CNTNAP2: variants seen among roughly 807,000 people sequenced by gnomAD.
CNTNAP2 encodes contactin-associated protein-like 2.
CNTNAP2 carries 98 observed loss-of-function variants against 155.2 expected under a neutral mutation model. That is an observed-to-expected ratio of 0.63 (90% CI 0.54 to 0.75). The LOEUF is 0.75. CNTNAP2 is among the 30% of genes least tolerant of loss of function. The pLI is 0.00. For synonymous variants in CNTNAP2, 651 were observed against 631.2 expected, an observed-to-expected ratio of 1.03 and a Z score of -0.47; for missense variants, 1,727 against 1,688.1, an observed-to-expected ratio of 1.02 and a Z score of -0.40.
chr7:147,283,640 T>C (rs1266916453), intron 8 of CNTNAP2, among the ~76,000 whole-genome samples: 1 of 151,960 alleles, frequency 6.6e-6, no homozygotes, highest in Non-Finnish European at 1.5e-5. Context: ...CCAGAAATTC[T>C]CTCACATAAT....
At chr7:146,514,829 C>T (rs1022718988) in intron 1 of CNTNAP2, among the ~76,000 whole-genome samples, 23 of 152,080 alleles carry the variant, frequency 1.5e-4, no homozygotes, top group African/African-American at 5.3e-4. Flanking sequence ...TGCCTTCTGG[C>T]TTGGTTAGAT....
chr7:147,174,435 A>G (rs1311271150), intron 8 of CNTNAP2, among the ~76,000 whole-genome samples: 1 of 152,168 alleles, frequency 6.6e-6, no homozygotes, highest in Non-Finnish European at 1.5e-5. Context: ...ATCATTTTCA[A>G]TACTACTCCA....
intron 1 of CNTNAP2, among the ~76,000 whole-genome samples, chr7:146,761,505 G>T (rs866430791): frequency 2.3e-4 from 35 of 152,194 alleles, no homozygotes; most frequent in African/African-American, 7.9e-4. Flanking sequence ...AAGTGTGTTT[G>T]TTCTGTTGTT....
At chr7:147,912,312 G>A (rs1484820704) in intron 14 of CNTNAP2, among the ~76,000 whole-genome samples, 1 of 152,126 alleles carries the variant, frequency 6.6e-6, no homozygotes, top group Admixed American at 6.5e-5. Context: ...GGTTCCCCAG[G>A]AGCAGCCTCT....
chr7:146,719,171 A>G (rs888360706), intron 1 of CNTNAP2, among the ~76,000 whole-genome samples: 1 of 152,178 alleles, frequency 6.6e-6, no homozygotes. Context: ...CTTGCACCTG[A>G]TTTGGAATAT....
intron 3 of CNTNAP2, among the ~76,000 whole-genome samples, chr7:146,867,355 C>A (rs374958300): frequency 6.6e-6 from 1 of 152,174 alleles, no homozygotes; most frequent in South Asian, 2.1e-4. Context: ...TGATCTTGTT[C>A]TTTTTCAATG....
chr7:148,162,898 G>A (rs1450602352), intron 17 of CNTNAP2, among the ~76,000 whole-genome samples: 2 of 152,206 alleles, frequency 1.3e-5, no homozygotes, highest in Admixed American at 6.5e-5. Flanking sequence ...TACTCAGGAG[G>A]CTGAGACAGG....
chr7:146,532,293 G>T (rs1797781740), intron 1 of CNTNAP2, among the ~76,000 whole-genome samples: 1 of 152,026 alleles, frequency 6.6e-6, no homozygotes, highest in Admixed American at 6.6e-5. Flanking sequence ...TCAAAATACA[G>T]GGATTTCAAT....
At chr7:147,725,034 A>G (rs1425037918) in intron 13 of CNTNAP2, among the ~76,000 whole-genome samples, 1 of 152,010 alleles carries the variant, frequency 6.6e-6, no homozygotes, top group Admixed American at 6.6e-5. Context: ...TCAGCAGAAA[A>G]GCAGCAGAAA....
intron 10 of CNTNAP2, among the ~76,000 whole-genome samples, chr7:147,406,363 T>G (rs1395156189): frequency 1.3e-5 from 2 of 152,232 alleles, no homozygotes; most frequent in African/African-American, 4.8e-5. Context: ...TTTTTTTCTT[T>G]GGTATTTAAA....
intron 15 of CNTNAP2, among the ~76,000 whole-genome samples, chr7:148,058,386 G>T (rs558953441): frequency 6.6e-6 from 1 of 152,168 alleles, no homozygotes; most frequent in Non-Finnish European, 1.5e-5. Context: ...AAGTCAGTGT[G>T]CAGCCTACCT....
chr7:146,802,777 A>G (rs888220279), intron 2 of CNTNAP2, among the ~76,000 whole-genome samples: 5 of 152,124 alleles, frequency 3.3e-5, no homozygotes, highest in African/African-American at 1.2e-4. Context: ...TGTTTACAGG[A>G]GATTGAGAAC....
chr7:147,286,261 A>T (rs1805171958), intron 8 of CNTNAP2, among the ~76,000 whole-genome samples: 1 of 152,086 alleles, frequency 6.6e-6, no homozygotes, highest in African/African-American at 2.4e-5. Flanking sequence ...ACAAAAATAA[A>T]GGTCTAAAAA....
intron 12 of CNTNAP2, among the ~76,000 whole-genome samples, chr7:147,575,083 A>C (rs1326519233): frequency 2.0e-5 from 3 of 149,762 alleles, no homozygotes; most frequent in Non-Finnish European, 3.0e-5. Context: ...GTATTGATTC[A>C]TATTCTCCCG....
At chr7:147,908,331 T>C (rs1451355110) in intron 14 of CNTNAP2, among the ~76,000 whole-genome samples, 1 of 152,216 alleles carries the variant, frequency 6.6e-6, no homozygotes, top group Non-Finnish European at 1.5e-5. Context: ...TTCCGCTGAA[T>C]GCACCAAGGG....
chr7:148,134,778 A>G lies in CNTNAP2; in HGVS notation c.2555-12713A>G, dbSNP rs1804903077. ...ATTATCAGATTGTAACTTTAAAATT[A>G]TGCAAGTATTGTTTATCGTTGAATG... On this transcript the variant is annotated intron_variant, in intron 16 of 23. Coordinates refer to ENST00000361727, the MANE Select transcript of CNTNAP2 (RefSeq NM_014141.6). Among the ~76,000 whole-genome samples the G allele has an allele frequency of 2.0e-5, 3 of 152,350 alleles. No homozygotes were observed. In the South Asian group the frequency reaches 6.2e-4, roughly 32 times the overall value.
chr7:148,210,774 C>T (rs138498531), intron 18 of CNTNAP2, among the ~76,000 whole-genome samples: 3 of 152,166 alleles, frequency 2.0e-5, no homozygotes, highest in Non-Finnish European at 2.9e-5. Flanking sequence ...GAACGTTAAC[C>T]CATCCCAGGT....
chr7:147,065,109 C>T (rs1799753300), intron 4 of CNTNAP2, among the ~76,000 whole-genome samples: 1 of 152,070 alleles, frequency 6.6e-6, no homozygotes, highest in Admixed American at 6.5e-5. Context: ...TAATATAAAG[C>T]CCTGTCCAAA....
At chr7:148,075,817 G>T (rs1475601102) in intron 15 of CNTNAP2, among the ~76,000 whole-genome samples, 3 of 152,138 alleles carry the variant, frequency 2.0e-5, no homozygotes, top group African/African-American at 7.2e-5. Context: ...GCTATAGCTT[G>T]GGAAAGCAAC....
Sources: allele counts gnomAD v4.1 joint callset (sites outside exome capture counted in the v4.1 genomes callset), GRCh38; gene constraint gnomAD v4.1.1; transcripts MANE v1.5; gene names NCBI Gene and HGNC (gene_info 2026-07-23, HGNC 2026-07-21).